Variants in PLPP1 observed in about 807,000 individuals in gnomAD.
PLPP1 encodes the protein phospholipid phosphatase 1.
A neutral mutation model predicts 31.2 loss-of-function variants in PLPP1; 24 were observed. That is an observed-to-expected ratio of 0.77 (90% CI 0.56 to 1.08). The LOEUF is 1.08. Ranked by LOEUF, PLPP1 falls within the 50% of genes least tolerant of loss-of-function variation. PLPP1 has a pLI of 0.00. For synonymous variants in PLPP1, 146 were observed against 126.3 expected (o/e 1.16, Z -1.05); for missense variants, 319 against 342.7 (o/e 0.93, Z 0.55).
At chr5:55,532,880 C>T (rs1444599823) in intron 1 of PLPP1, among the ~76,000 whole-genome samples, 3 of 151,076 alleles carry the variant, frequency 2.0e-5, no homozygotes, top group Admixed American at 1.3e-4. Context: ...TGCTTGAACC[C>T]GGGAAGCGGA....
intron 1 of PLPP1, among the ~76,000 whole-genome samples, chr5:55,531,290 G>C (rs1010180291): frequency 2.6e-5 from 4 of 152,148 alleles, no homozygotes. Flanking sequence ...TAATTCAAAC[G>C]TGTATATAGA....
intron 3 of PLPP1, among the ~76,000 whole-genome samples, chr5:55,465,487 G>T (rs1345137818): frequency 6.6e-6 from 1 of 152,096 alleles, no homozygotes; most frequent in Admixed American, 6.6e-5. Context: ...TGGCTTCCCC[G>T]CACCACACTG....
chr5:55,533,506 A>C (rs1740756759), intron 1 of PLPP1, among the ~76,000 whole-genome samples: 1 of 152,182 alleles, frequency 6.6e-6, no homozygotes, highest in African/African-American at 2.4e-5. Context: ...GAAACTGGAG[A>C]GTGGAATAAC....
Position 55,534,676 on chromosome 5 carries a change from G to A in PLPP1, c.-47C>T. 2 of 1,507,898 alleles carry A rather than the reference G, an allele frequency of 1.3e-6. No individual in the cohort carries two copies. The highest frequency in any genetic ancestry group is 1.8e-6 in the Non-Finnish European group (2 of 1,127,258). The allele number at this position is 1,507,898 out of a possible 1,614,324, so 93.4% of individuals were successfully genotyped here. A position where few individuals can be genotyped will look rare whatever the true frequency, so the allele number is the denominator to read the frequency against. ...GCAAGGGCGATGGACTGAGCTGCGG[G>A]ACGGCGGCCGAGGCCCTTGATTCTC... On this transcript the variant is annotated 5_prime_UTR_variant, in exon 1 of 6. Transcript: ENST00000307259.
At chr5:55,472,348 A>T (rs1290580973) in intron 2 of PLPP1, among the ~76,000 whole-genome samples, 1 of 152,152 alleles carries the variant, frequency 6.6e-6, no homozygotes, top group African/African-American at 2.4e-5. Flanking sequence ...CACACCTATA[A>T]TCCCAGCACT....
intron 4 of PLPP1, among the ~76,000 whole-genome samples, chr5:55,430,151 C>T (rs866519397): frequency 2.0e-5 from 3 of 152,164 alleles, no homozygotes; most frequent in African/African-American, 7.2e-5. Context: ...CCACCACCAG[C>T]GCAAACCACT....
intron 1 of PLPP1, among the ~76,000 whole-genome samples, chr5:55,523,464 A>G (rs1453601928): frequency 6.6e-6 from 1 of 152,092 alleles, no homozygotes; most frequent in African/African-American, 2.4e-5. Context: ...ATTCCTGACT[A>G]TACCATTGTT....
intron 1 of PLPP1, 96 bp downstream of exon 1, chr5:55,534,476 G>A (rs1740806253): frequency 7.8e-7 from 1 of 1,282,454 alleles, no homozygotes; most frequent in Non-Finnish European, 1.0e-6. Flanking sequence ...CTGCGCACGC[G>A]TCAGGCAACA....
chr5:55,521,793 G>A (rs1378569743), intron 1 of PLPP1, among the ~76,000 whole-genome samples: 1 of 152,138 alleles, frequency 6.6e-6, no homozygotes, highest in Non-Finnish European at 1.5e-5. Context: ...GTGGTAGGTA[G>A]GGCATAAAAT....
chr5:55,498,060 G>C (rs951671231), intron 1 of PLPP1, among the ~76,000 whole-genome samples: 1 of 152,132 alleles, frequency 6.6e-6, no homozygotes, highest in Non-Finnish European at 1.5e-5. Context: ...AAGCCAGTTG[G>C]GGTCTCAGTA....
chr5:55,475,233 A>G, intron 2 of PLPP1, 66 bp downstream of exon 2: 1 of 1,395,630 alleles, frequency 7.2e-7, no homozygotes, highest in Non-Finnish European at 9.8e-7. Flanking sequence ...TAAGCATTAA[A>G]AGAGTAACAG....
At position 55,425,126 on chromosome 5, in the gene PLPP1, G is replaced by GA. The variant is rs1751138296; in HGVS notation, c.*79dup. On this transcript the variant is annotated 3_prime_UTR_variant, in exon 6 of 6. Transcript: ENST00000307259. Reference sequence around the variant, plus strand: ...TCTTTAAAGGCTTGTACACCAGGAAGAAAGATGCATCCTCTTGCCTTGTGG... The same window carrying GA: ...TCTTTAAAGGCTTGTACACCAGGAAGAAAAGATGCATCCTCTTGCCTTGTGG... The GA allele has an allele frequency of 1.3e-6, 2 of 1,505,540 alleles. No homozygotes were observed. The highest frequency in any genetic ancestry group is 4.3e-5 in the Admixed American group (2 of 46,106). 93.3% of individuals were successfully genotyped at this position (1,505,540 alleles called of 1,614,324 possible).
intron 1 of PLPP1, among the ~76,000 whole-genome samples, chr5:55,515,291 A>C (rs1168941830): frequency 6.6e-6 from 1 of 152,232 alleles, no homozygotes; most frequent in Non-Finnish European, 1.5e-5. Flanking sequence ...CATCTGGCAC[A>C]TCATAGGAAA....
chr5:55,534,765 A>G lies in PLPP1; in HGVS notation c.-136T>C, dbSNP rs1334140167. 1 of 931,808 alleles carries G rather than the reference A, an allele frequency of 1.1e-6. No individual in the cohort carries two copies. The highest frequency in any genetic ancestry group is 1.8e-5 in the African/African-American group (1 of 56,520). 57.7% of individuals were successfully genotyped at this position (931,808 alleles called of 1,614,324 possible). A position where few individuals can be genotyped will look rare whatever the true frequency, so the allele number is the denominator to read the frequency against. On this transcript the variant is annotated 5_prime_UTR_variant, in exon 1 of 6. Transcript: ENST00000307259. ...CCCCTCCCAGCCGGAGGAGGAGAGC[A>G]GCCGAGGGCGGGCTGAGACCGGGCG... is the stretch of plus-strand genomic sequence containing the variant.
rs919795462 is a variant in PLPP1 at position 55,465,020 on chromosome 5, A to G, written c.491+2849T>C. ...TTTCCTTTGTGATTTAAATCCTATA[A>G]GTGTTTTTTTATGTGGGGCGGAGGT... On this transcript the variant is annotated intron_variant, in intron 3 of 5. Coordinates refer to ENST00000307259, the MANE Select transcript of PLPP1 (RefSeq NM_003711.4). 4.1e-5 allele frequency among the ~76,000 whole-genome samples: 6 copies of G among 147,176 alleles called. No individual in the cohort carries two copies. In the East Asian group the frequency reaches 1.2e-3, roughly 29 times the overall value.
chr5:55,469,574 G>T (rs1044305907), intron 2 of PLPP1, among the ~76,000 whole-genome samples: 4 of 151,286 alleles, frequency 2.6e-5, no homozygotes, highest in Non-Finnish European at 4.4e-5. Flanking sequence ...TAATCTGTGT[G>T]GAGAGAATTA....
chr5:55,513,157 C>G (rs749283288), intron 1 of PLPP1, among the ~76,000 whole-genome samples: 1 of 152,166 alleles, frequency 6.6e-6, no homozygotes, highest in Non-Finnish European at 1.5e-5. Context: ...CCAATGAAGT[C>G]TCCCTTATTA....
At chr5:55,457,371 G>GT (rs1016995644) in intron 3 of PLPP1, among the ~76,000 whole-genome samples, 4 of 152,136 alleles carry the variant, frequency 2.6e-5, no homozygotes, top group South Asian at 2.1e-4. Context: ...TGCAATCAAA[G>GT]TAACAGTATA....
In PLPP1 at chr5:55,439,249, C is replaced by T. The variant is rs372461338; in HGVS notation, c.549+2602G>A. On this transcript the variant is annotated intron_variant, in intron 4 of 5. Coordinates refer to ENST00000307259, the MANE Select transcript of PLPP1 (RefSeq NM_003711.4). Reference sequence around the variant, plus strand: ...GGGAGCCTGACTCAGGAATGTGCTTCTGTAACAGCAGCTGAGTCTCAGCCA... The same window carrying T: ...GGGAGCCTGACTCAGGAATGTGCTTTTGTAACAGCAGCTGAGTCTCAGCCA... 1.1e-4 allele frequency among the ~76,000 whole-genome samples: 17 copies of T among 152,318 alleles called. No homozygotes were observed. The East Asian group carries it at 3.1e-3, about 28-fold the overall frequency.
Sources: allele counts gnomAD v4.1 joint callset (sites outside exome capture counted in the v4.1 genomes callset), GRCh38; gene constraint gnomAD v4.1.1; transcripts MANE v1.5; gene names NCBI Gene and HGNC (gene_info 2026-07-23, HGNC 2026-07-21).